Variants in UBN1 observed in about 807,000 individuals in gnomAD.
The protein encoded by UBN1 is ubinuclein 1.
A neutral mutation model predicts 108.5 loss-of-function variants in UBN1; 17 were observed. The observed-to-expected ratio is 0.16, with a 90% CI of 0.11 to 0.24. The LOEUF (loss-of-function observed/expected upper bound fraction) is 0.24, where lower values mean the gene tolerates loss of function less well. Among genes scored for constraint, UBN1 ranks in the 10% least tolerant of loss-of-function variants. The pLI, the probability that UBN1 is intolerant of heterozygous loss-of-function variation, is 1.00. For synonymous variants in UBN1, 726 were observed against 564.2 expected (o/e 1.29, Z -4.07); for missense variants, 1,595 against 1,394.4 (o/e 1.14, Z -2.29).
intron 4 of UBN1, 171 bp from the exon 5 acceptor site, chr16:4,858,854 A>G: frequency 1.0e-6 from 1 of 1,003,482 alleles, no homozygotes; most frequent in Non-Finnish European, 1.5e-6. Context: ...AGTGATGACC[A>G]GATCTGTCCA....
intron 15 of UBN1, 57 bp from the exon 16 acceptor site, chr16:4,876,814 G>A (rs2087907700): frequency 6.5e-7 from 1 of 1,526,830 alleles, no homozygotes; most frequent in Non-Finnish European, 8.8e-7. Context: ...CAGGTTTGGT[G>A]TGAGTGAGCC....
intron 7 of UBN1, among the ~76,000 whole-genome samples, chr16:4,865,107 C>T (rs1016110355): frequency 1.3e-5 from 2 of 152,164 alleles, no homozygotes; most frequent in African/African-American, 4.8e-5. Context: ...ATTCACACAA[C>T]TTCTGGGGTA....
chr16:4,857,656 T>A (rs1419354807), intron 2 of UBN1, among the ~76,000 whole-genome samples: 1 of 152,182 alleles, frequency 6.6e-6, no homozygotes, highest in East Asian at 1.9e-4. Flanking sequence ...GAAGAAAATT[T>A]TAAGAGTTAC....
Position 4,877,619 on chromosome 16 carries a change from C to G in UBN1, c.3355+145C>G, listed in dbSNP as rs890414121. ...TTTGTCCTTTGAGGCTGTGCTTTGT[C>G]AGTACTCAGGGTGACACGCACTTCT... On this transcript the variant is annotated intron_variant, in intron 17 of 17. Coordinates refer to ENST00000262376, the MANE Select transcript of UBN1 (RefSeq NM_001079514.3). The surrounding 1 kb of genome is among the most constrained non-coding windows in gnomAD (Gnocchi z 4.3). 7.4e-5 allele frequency: 103 copies of G among 1,396,976 alleles called. No individual in the cohort carries two copies. Among genetic ancestry groups the G allele is most frequent in the Non-Finnish European group, 9.4e-5 (101 of 1,078,932 alleles). 86.5% of individuals were successfully genotyped at this position (1,396,976 alleles called of 1,614,324 possible). A position where few individuals can be genotyped will look rare whatever the true frequency, so the allele number is the denominator to read the frequency against.
intron 7 of UBN1, among the ~76,000 whole-genome samples, chr16:4,867,705 G>T (rs59756956): frequency 0.016 from 2,402 of 152,224 alleles, 63 homozygotes; most frequent in African/African-American, 0.054. Flanking sequence ...GGAGGAGGCA[G>T]ATGGAGCAGT....
In UBN1 at chr16:4,874,205, C is replaced by T. The variant is rs770872809; in HGVS notation, c.1801-6C>T. ...TCTAAACATCAACATTTCTGTTTTCCTTTAGGAATCGTCTACGAAGCCTGA... is the reference window on the plus strand; with the variant it reads ...TCTAAACATCAACATTTCTGTTTTCTTTTAGGAATCGTCTACGAAGCCTGA... On this transcript the variant is annotated splice_region_variant and splice_polypyrimidine_tract_variant and intron_variant, in intron 14 of 17. Transcript: ENST00000262376. 5.0e-5 allele frequency: 77 copies of T among 1,540,444 alleles called. No individual in the cohort carries two copies. Among genetic ancestry groups the T allele is most frequent in the Admixed American group, 1.7e-4 (8 of 47,990 alleles).
chr16:4,858,092 T>C lies in UBN1; in HGVS notation c.336+16T>C, dbSNP rs1317937528. 2.5e-6 allele frequency: 4 copies of C among 1,574,938 alleles called. No homozygotes were observed. Among genetic ancestry groups the C allele is most frequent in the Non-Finnish European group, 3.5e-6 (4 of 1,146,222 alleles). ...AGAAAAATACGTAAGATTTCTCTCT[T>C]GAATAACAAAACAACCTCATTGGGT... On this transcript the variant is annotated intron_variant, in intron 3 of 17. Transcript: ENST00000262376.
intron 12 of UBN1, among the ~76,000 whole-genome samples, chr16:4,871,598 T>TG (rs2087637616): frequency 3.9e-5 from 4 of 102,374 alleles, no homozygotes; most frequent in Admixed American, 3.8e-4. Context: ...TTTTTTTTTT[T>TG]TTTTTTGAGA....
intron 2 of UBN1, 119 bp from the exon 3 acceptor site, chr16:4,857,871 C>T (rs112993270): frequency 2.4e-5 from 17 of 720,454 alleles, no homozygotes; most frequent in African/African-American, 7.1e-5. Context: ...TGTTTTCTAC[C>T]TTGCCCTTTT....
At position 4,878,221 on chromosome 16, in the gene UBN1, G is replaced by A. The variant is rs1248646494; in HGVS notation, c.3355+747G>A. On this transcript the variant is annotated intron_variant, in intron 17 of 17. Transcript: ENST00000262376. The stretch of plus-strand genomic sequence containing the variant: ...TCCCGAGTCTGCGATTCTTGGGTAC[G>A]CCTCCTGGAATTCTGGCATGGGAAG... Among the ~76,000 whole-genome samples, 3 of 152,258 alleles carry A rather than the reference G, an allele frequency of 2.0e-5. No homozygotes were observed. The East Asian group carries it at 5.8e-4, about 29-fold the overall frequency.
Position 4,870,513 on chromosome 16 carries a change from C to T in UBN1, c.1312-3C>T, listed in dbSNP as rs2142242617. On this transcript the variant is annotated splice_region_variant and splice_polypyrimidine_tract_variant and intron_variant, in intron 9 of 17. Coordinates refer to ENST00000262376, the MANE Select transcript of UBN1 (RefSeq NM_001079514.3). ...GCCTTGAATTGTGTCCCGCTCTTCG[C>T]AGGGGGGCCGTCTGAAGGAGCCTCT... is the stretch of plus-strand genomic sequence containing the variant. The T allele has an allele frequency of 1.2e-6, 2 of 1,614,172 alleles. No homozygotes were observed. Among genetic ancestry groups the T allele is most frequent in the Middle Eastern group, 1.6e-4 (1 of 6,062 alleles).
chr16:4,869,741 T>C (rs1004287830), intron 8 of UBN1, among the ~76,000 whole-genome samples: 2 of 152,090 alleles, frequency 1.3e-5, no homozygotes, highest in African/African-American at 2.4e-5. Context: ...GCTCAAGGCA[T>C]TGAAGAGAAA....
chr16:4,857,883 TG>T, intron 2 of UBN1, 106 bp from the exon 3 acceptor site: 1 of 808,298 alleles, frequency 1.2e-6, no homozygotes. Flanking sequence ...TGCCCTTTTC[TG>T]GAAAACATTG....
rs2087023859 is a variant in UBN1 at position 4,860,820 on chromosome 16, T to G, written c.828T>G (p.Ala276=). ...CTGTTGCGGTCCCATCAGCGGAAGC[T>G]CAGGGCCTGCGGGAACTGGAGGGTG... ...HKPVAVPSAE[A]QGLRELEGAS... is the part of the protein sequence containing the mutation. The change falls in exon 7 of 18, where the codon GCT becomes GCG. Residue 276 remains alanine (A), a synonymous_variant. Transcript: ENST00000262376. 1 of 1,614,254 alleles carries G rather than the reference T, an allele frequency of 6.2e-7. No individual in the cohort carries two copies. The highest frequency in any genetic ancestry group is 1.3e-5 in the African/African-American group (1 of 75,076).
chr16:4,869,037 G>T, intron 8 of UBN1, 134 bp downstream of exon 8: 1 of 796,552 alleles, frequency 1.3e-6, no homozygotes, highest in South Asian at 2.1e-5. Context: ...AGAAGAATTG[G>T]ATTAACATGG....
rs1055301859 is a variant in UBN1 at position 4,847,669 on chromosome 16, C to T, written c.-581C>T. ...TTACGCCCGTTGGTCCGGCGCGGGC[C>T]CCGGGGCCATTCCCGAGCCCGAGGC... On this transcript the variant is annotated 5_prime_UTR_variant, in exon 1 of 18. Transcript: ENST00000262376. 2 of 200,956 alleles carry T rather than the reference C, an allele frequency of 1.0e-5. No individual in the cohort carries two copies. Among genetic ancestry groups the T allele is most frequent in the Non-Finnish European group, 2.0e-5 (2 of 100,098 alleles). The allele number at this position is 200,956 out of a possible 1,614,324, so 12.4% of individuals were successfully genotyped here. A position where few individuals can be genotyped will look rare whatever the true frequency, so the allele number is the denominator to read the frequency against.
chr16:4,857,442 T>C (rs750554056), intron 2 of UBN1, among the ~76,000 whole-genome samples: 1 of 151,902 alleles, frequency 6.6e-6, no homozygotes, highest in South Asian at 2.1e-4. Flanking sequence ...GAGAAAAGAA[T>C]AAGCTTATAA....
At chr16:4,873,124 C>G (rs2087723592) in intron 14 of UBN1, 51 bp downstream of exon 14, 5 of 1,610,774 alleles carry the variant, frequency 3.1e-6, no homozygotes, top group Non-Finnish European at 4.2e-6. Context: ...CTCCCTACAA[C>G]TATGCTCTGG....
At position 4,877,565 on chromosome 16, in the gene UBN1, T is replaced by A. The variant is rs2087944977; in HGVS notation, c.3355+91T>A. ...TTTGCCGCTGCCAAGGGTCTTGGTG[T>A]CTTTGCCTTGACGCTGTTGTTGTTT... is the stretch of plus-strand genomic sequence containing the variant. On this transcript the variant is annotated intron_variant, in intron 17 of 17. Coordinates refer to ENST00000262376, the MANE Select transcript of UBN1 (RefSeq NM_001079514.3). The surrounding 1 kb of genome is among the most constrained non-coding windows in gnomAD (Gnocchi z 4.3). 2 of 1,472,784 alleles carry A rather than the reference T, an allele frequency of 1.4e-6. No homozygotes were observed. Among genetic ancestry groups the A allele is most frequent in the Non-Finnish European group, 9.0e-7 (1 of 1,115,860 alleles). The allele number at this position is 1,472,784 out of a possible 1,614,324, so 91.2% of individuals were successfully genotyped here.
Sources: gnomAD v4.1 joint callset for allele counts (sites outside exome capture counted in the v4.1 genomes callset) on GRCh38, gnomAD v4.1.1 for gene constraint, Gnocchi (gnomAD v3.1) non-coding constraint, MANE v1.5 for transcripts, NCBI Gene and HGNC (gene_info 2026-07-23, HGNC 2026-07-21) for gene names.